The following SUSD4 variants were observed in gnomAD, a reference collection of about 807,000 sequenced individuals.
SUSD4 encodes sushi domain-containing protein 4.
Under a neutral mutation model 50.5 loss-of-function variants are expected in SUSD4, and 41 were observed. The ratio of observed to expected loss-of-function variants is 0.81; its 90% CI spans 0.63 to 1.05. The LOEUF is 1.05. SUSD4 is among the 50% of genes least tolerant of loss of function. The pLI, the probability that SUSD4 is intolerant of heterozygous loss-of-function variation, is 0.00. For missense variants in SUSD4, 580 were observed against 634.7 expected (o/e 0.91, Z 0.93); for synonymous variants, 257 against 257.3 (o/e 1.00, Z 0.01).
rs188009684 is a variant in SUSD4 at position 223,248,149 on chromosome 1, C to T, written c.724+16481G>A. On this transcript the variant is annotated intron_variant, in intron 5 of 8. Transcript: ENST00000366878. Reference sequence around the variant, plus strand: ...AGTGCTGTTCCAGATCATGAGGAAACTCTGTAGCTGAGCTCAGTAGTAAAG... The same window carrying T: ...AGTGCTGTTCCAGATCATGAGGAAATTCTGTAGCTGAGCTCAGTAGTAAAG... 5.9e-4 allele frequency among the ~76,000 whole-genome samples: 90 copies of T among 152,320 alleles called. 1 individual carries two copies. The highest frequency in any genetic ancestry group is 2.9e-3 in the South Asian group (14 of 4,826).
intron 2 of SUSD4, among the ~76,000 whole-genome samples, chr1:223,325,507 G>A (rs1399592776): frequency 6.6e-6 from 1 of 152,074 alleles, no homozygotes; most frequent in Non-Finnish European, 1.5e-5. Context: ...AAGAGAAAAT[G>A]ACTTTCCCAA....
chr1:223,273,047 C>T (rs1403435500), intron 3 of SUSD4, among the ~76,000 whole-genome samples: 3 of 152,090 alleles, frequency 2.0e-5, no homozygotes, highest in Non-Finnish European at 4.4e-5. Context: ...AGGAAAGGGG[C>T]CCCTGAGGAA....
upstream of SUSD4, chr1:223,364,204 C>G (rs1433778768): frequency 6.6e-6 from 1 of 151,058 alleles, no homozygotes; most frequent in Non-Finnish European, 1.5e-5. The surrounding 1 kb of genome is among the most constrained non-coding windows in gnomAD (Gnocchi z 4.5). Flanking sequence ...CCAGCTCCCC[C>G]GCCCGCGCGC....
intron 5 of SUSD4, among the ~76,000 whole-genome samples, chr1:223,243,999 C>A (rs1660756802): frequency 6.6e-6 from 1 of 152,238 alleles, no homozygotes; most frequent in Non-Finnish European, 1.5e-5. Context: ...TGGACAACCA[C>A]TGATACTACC....
intron 3 of SUSD4, among the ~76,000 whole-genome samples, chr1:223,270,677 A>T (rs991588816): frequency 6.6e-6 from 1 of 152,054 alleles, no homozygotes; most frequent in African/African-American, 2.4e-5. Flanking sequence ...CCAAGAAATT[A>T]TTCTGCCTCA....
chr1:223,278,251 C>A (rs558046918), intron 3 of SUSD4, among the ~76,000 whole-genome samples: 65 of 152,198 alleles, frequency 4.3e-4, no homozygotes, highest in Non-Finnish European at 2.9e-5. Flanking sequence ...GAGTGTGAGC[C>A]AAAGCAGGGC....
intron 7 of SUSD4, 32 bp from the exon 8 acceptor site, chr1:223,223,663 G>A (rs777107233): frequency 6.4e-6 from 10 of 1,561,144 alleles, no homozygotes; most frequent in Non-Finnish European, 6.9e-6. Context: ...CAACATGTGA[G>A]AGCCATGCCA....
intron 2 of SUSD4, among the ~76,000 whole-genome samples, chr1:223,350,481 G>T (rs1053083160): frequency 6.6e-6 from 1 of 152,188 alleles, no homozygotes; most frequent in African/African-American, 2.4e-5. Context: ...CCCAAGAGAG[G>T]GGCAAGGCGC....
At chr1:223,239,562 A>G (rs1322436648) in intron 5 of SUSD4, among the ~76,000 whole-genome samples, 1 of 152,054 alleles carries the variant, frequency 6.6e-6, no homozygotes, top group African/African-American at 2.4e-5. Flanking sequence ...AGAGTTTGCA[A>G]TTAACATTTA....
At chr1:223,335,309 T>C (rs1667399062) in intron 2 of SUSD4, among the ~76,000 whole-genome samples, 1 of 152,230 alleles carries the variant, frequency 6.6e-6, no homozygotes. Context: ...CTGTTTTTCT[T>C]AGTGGTTGTA....
intron 2 of SUSD4, among the ~76,000 whole-genome samples, chr1:223,317,851 C>CTTTTTTTTTTTTTTTTTTTTTTT (rs1172641015): frequency 4.5e-4 from 45 of 100,720 alleles, no homozygotes; most frequent in Admixed American, 8.4e-4. Flanking sequence ...TTTTTTTTTT[C>CTTTTTTTTTTTTTTTTTTTTTTT]TTTTTTTTTT....
At chr1:223,259,223 G>A (rs1256671269) in intron 5 of SUSD4, among the ~76,000 whole-genome samples, 3 of 152,194 alleles carry the variant, frequency 2.0e-5, no homozygotes, top group Admixed American at 6.5e-5. Flanking sequence ...ACGTGAAATA[G>A]CATATGACAC....
At chr1:223,363,668 T>A in intron 1 of SUSD4, 1 of 508,578 alleles carries the variant, frequency 2.0e-6, no homozygotes, top group Non-Finnish European at 3.4e-6. Context: ...CGTGGGATGC[T>A]GCGCGTGCTG....
In SUSD4 at chr1:223,363,276, A is replaced by C; in HGVS notation, c.148+2T>G. The C allele has an allele frequency of 4.4e-6, 7 of 1,585,498 alleles. No homozygotes were observed. The highest frequency in any genetic ancestry group is 5.2e-6 in the Non-Finnish European group (6 of 1,164,152). ...CCCTCCCACCACAGCTGGGTCACTCACCGCCCGTGAGCTGTGCAGGGCCGA... is the reference window on the plus strand; with the variant it reads ...CCCTCCCACCACAGCTGGGTCACTCCCCGCCCGTGAGCTGTGCAGGGCCGA... On this transcript the variant is annotated splice_donor_variant, in intron 2 of 8. Coordinates refer to ENST00000366878, the MANE Select transcript of SUSD4 (RefSeq NM_017982.4). LOFTEE classifies it high-confidence loss of function.
chr1:223,264,855 CT>C, intron 4 of SUSD4, 37 bp from the exon 5 acceptor site: 1 of 1,597,398 alleles, frequency 6.3e-7, no homozygotes, highest in Non-Finnish European at 8.5e-7. Flanking sequence ...AGATTCCACT[CT>C]GTCATCTCTG....
rs375151789 is a variant in SUSD4, at chr1:223,224,640, A to G, written c.1062-1009T>C. On this transcript the variant is annotated intron_variant, in intron 7 of 8. Coordinates refer to ENST00000366878, the MANE Select transcript of SUSD4 (RefSeq NM_017982.4). ...GTGTGAGGGCTCCAGGAGCGGCGGC[A>G]AAGTGAGTCTGCATGTCTGCAGGGC... Among the ~76,000 whole-genome samples the G allele has an allele frequency of 1.8e-4, 27 of 152,234 alleles. No homozygotes were observed. In the East Asian group the frequency reaches 4.5e-3, roughly 25 times the overall value.
chr1:223,342,986 TAAGAAA>T (rs956364575), intron 2 of SUSD4, among the ~76,000 whole-genome samples: 3 of 152,066 alleles, frequency 2.0e-5, no homozygotes, highest in African/African-American at 4.8e-5. Flanking sequence ...TACAAATGAA[TAAGAAA>T]AAGATAAAAA....
chr1:223,312,618 A>G (rs1387538210), intron 2 of SUSD4, among the ~76,000 whole-genome samples: 1 of 152,220 alleles, frequency 6.6e-6, no homozygotes, highest in Non-Finnish European at 1.5e-5. Context: ...GGTGCTTTGA[A>G]AACTCCAAAA....
chr1:223,292,358 A>C, intron 3 of SUSD4, 81 bp downstream of exon 3: 2 of 1,463,314 alleles, frequency 1.4e-6, no homozygotes, highest in South Asian at 2.3e-5. Flanking sequence ...CAGGGTATTG[A>C]GCTGTCACAC....
Sources: gnomAD v4.1 joint callset for allele counts (sites outside exome capture counted in the v4.1 genomes callset) on GRCh38, gnomAD v4.1.1 for gene constraint, Gnocchi (gnomAD v3.1) non-coding constraint, MANE v1.5 for transcripts, NCBI Gene and HGNC (gene_info 2026-07-23, HGNC 2026-07-21) for gene names.